KCNH1: variants seen among roughly 807,000 people sequenced by gnomAD.
KCNH1 encodes the protein voltage-gated delayed rectifier potassium channel KCNH1.
A neutral mutation model predicts 69.2 loss-of-function variants in KCNH1; 27 were observed. That is an observed-to-expected ratio of 0.39 (90% CI 0.29 to 0.54). The LOEUF is 0.54. Among genes scored for constraint, KCNH1 ranks in the 20% least tolerant of loss-of-function variants. KCNH1 has a pLI of 0.68. For synonymous variants in KCNH1, 456 were observed against 487.7 expected (o/e 0.93, Z 0.86); for missense variants, 798 against 1,261.6 (o/e 0.63, Z 5.57).
At chr1:210,787,052 CCT>C (rs1684118038) in intron 9 of KCNH1, among the ~76,000 whole-genome samples, 1 of 152,134 alleles carries the variant, frequency 6.6e-6, no homozygotes, top group South Asian at 2.1e-4. Flanking sequence ...GCTTTAAAAT[CCT>C]CACTGGCTCT....
intron 10 of KCNH1, among the ~76,000 whole-genome samples, chr1:210,687,037 G>A (rs1451208855): frequency 1.3e-5 from 2 of 152,138 alleles, no homozygotes; most frequent in Non-Finnish European, 2.9e-5. Context: ...AAATCACAGA[G>A]GTCATAGTCA....
intron 6 of KCNH1, among the ~76,000 whole-genome samples, chr1:210,960,240 T>C (rs1468963969): frequency 6.6e-6 from 1 of 152,186 alleles, no homozygotes; most frequent in Non-Finnish European, 1.5e-5. Flanking sequence ...CCCAGCCTCC[T>C]CCAAGAAGTA....
At chr1:210,997,078 A>C (rs530709103) in intron 6 of KCNH1, among the ~76,000 whole-genome samples, 90 of 152,344 alleles carry the variant, frequency 5.9e-4, no homozygotes, top group Non-Finnish European at 1.0e-3. Flanking sequence ...AGAGCAGAAA[A>C]ACTGGAAACT....
intron 10 of KCNH1, among the ~76,000 whole-genome samples, chr1:210,705,285 C>T (rs919297906): frequency 6.6e-6 from 1 of 152,196 alleles, no homozygotes; most frequent in Non-Finnish European, 1.5e-5. Context: ...TCCACTTGCT[C>T]AAGCCCCTGA....
intron 10 of KCNH1, among the ~76,000 whole-genome samples, chr1:210,709,255 G>T (rs78630019): frequency 0.038 from 5,807 of 152,246 alleles, 178 homozygotes; most frequent in Admixed American, 0.087. Context: ...TCTCAAAGGT[G>T]GGGGAGATTT....
At chr1:211,021,658 CAA>C (rs1689588444) in intron 5 of KCNH1, among the ~76,000 whole-genome samples, 1 of 151,604 alleles carries the variant, frequency 6.6e-6, no homozygotes, top group Non-Finnish European at 1.5e-5. Flanking sequence ...ACTCAACATA[CAA>C]AAGTCAGTAG....
intron 10 of KCNH1, among the ~76,000 whole-genome samples, chr1:210,737,718 G>C (rs1033376530): frequency 1.3e-5 from 2 of 152,106 alleles, no homozygotes; most frequent in African/African-American, 4.8e-5. Flanking sequence ...CAGTTCATCA[G>C]GCCAAAGGCC....
intron 7 of KCNH1, among the ~76,000 whole-genome samples, chr1:210,877,195 T>G (rs1686395007): frequency 1.3e-5 from 2 of 152,126 alleles, no homozygotes; most frequent in South Asian, 4.1e-4. Flanking sequence ...ATTTACTAAT[T>G]ATAGCTGTAG....
intron 5 of KCNH1, among the ~76,000 whole-genome samples, chr1:211,035,236 C>CT (rs765170558): frequency 0.016 from 1,199 of 75,052 alleles, 151 homozygotes; most frequent in Non-Finnish European, 0.018. Flanking sequence ...TACTGGCATT[C>CT]TTTTTTTTTT....
chr1:210,694,560 T>A (rs996248941), intron 10 of KCNH1, among the ~76,000 whole-genome samples: 9 of 152,242 alleles, frequency 5.9e-5, no homozygotes, highest in African/African-American at 2.2e-4. Flanking sequence ...GGGAAGAAAC[T>A]CTCAGCCAGT....
At position 211,004,562 on chromosome 1, in the gene KCNH1, T is replaced by A. The variant is rs180688550; in HGVS notation, c.1032+14221A>T. Reference sequence around the variant, plus strand: ...AAGGTGAATAATACAAAATAATCAATCCCAAAAGAAGATAAAAGAGGAGAG... The same window carrying A: ...AAGGTGAATAATACAAAATAATCAAACCCAAAAGAAGATAAAAGAGGAGAG... On this transcript the variant is annotated intron_variant, in intron 6 of 10. Coordinates refer to ENST00000271751, the MANE Select transcript of KCNH1 (RefSeq NM_172362.3). Among the ~76,000 whole-genome samples, 16 of 148,124 alleles carry A rather than the reference T, an allele frequency of 1.1e-4. No individual in the cohort carries two copies. In the East Asian group the frequency reaches 2.8e-3, roughly 26 times the overall value.
chr1:210,782,589 G>A (rs993610295), intron 9 of KCNH1, among the ~76,000 whole-genome samples: 1 of 152,074 alleles, frequency 6.6e-6, no homozygotes, highest in African/African-American at 2.4e-5. Flanking sequence ...AGCGGGGTGT[G>A]GTGGCGAGCA....
chr1:211,094,531 C>T (rs1691111890), intron 3 of KCNH1, among the ~76,000 whole-genome samples: 1 of 152,186 alleles, frequency 6.6e-6, no homozygotes, highest in Non-Finnish European at 1.5e-5. Flanking sequence ...GATCATAATA[C>T]ACTCCAAGGG....
intron 6 of KCNH1, among the ~76,000 whole-genome samples, chr1:210,969,236 C>T (rs1688468374): frequency 1.3e-5 from 2 of 152,006 alleles, no homozygotes; most frequent in South Asian, 4.1e-4. Flanking sequence ...TACTTTTCTA[C>T]ACCATGCTTA....
At chr1:211,015,150 T>C (rs1423151778) in intron 6 of KCNH1, among the ~76,000 whole-genome samples, 2 of 152,002 alleles carry the variant, frequency 1.3e-5, no homozygotes, top group Non-Finnish European at 2.9e-5. Flanking sequence ...TTGGGGAAAA[T>C]GTAGCTGCCC....
intron 10 of KCNH1, among the ~76,000 whole-genome samples, chr1:210,769,159 T>C (rs1011033386): frequency 2.0e-4 from 31 of 152,320 alleles, no homozygotes; most frequent in Middle Eastern, 3.4e-3. Flanking sequence ...CTATGATGAC[T>C]CAGGGGGGAA....
rs927674852 is a variant in KCNH1, at chr1:210,987,639, T to C, written c.1032+31144A>G. Among the ~76,000 whole-genome samples, 20 of 152,132 alleles carry C rather than the reference T, an allele frequency of 1.3e-4. 1 individual carries two copies. The highest frequency in any genetic ancestry group is 7.2e-4 in the Admixed American group (11 of 15,274). The stretch of plus-strand genomic sequence containing the variant: ...AAATGCTGCTGCCTGATCGTTCCTC[T>C]GGAAGTTTTGTCTCAGAGGAGTACC... On this transcript the variant is annotated intron_variant, in intron 6 of 10. Coordinates refer to ENST00000271751, the MANE Select transcript of KCNH1 (RefSeq NM_172362.3).
At chr1:210,737,449 T>C (rs970024372) in intron 10 of KCNH1, among the ~76,000 whole-genome samples, 1 of 152,210 alleles carries the variant, frequency 6.6e-6, no homozygotes, top group Non-Finnish European at 1.5e-5. Context: ...TTAATATTTA[T>C]ACTCTTTCTA....
intron 5 of KCNH1, among the ~76,000 whole-genome samples, chr1:211,057,709 G>C (rs1690339203): frequency 6.6e-6 from 1 of 151,738 alleles, no homozygotes; most frequent in African/African-American, 2.4e-5. Flanking sequence ...GAAAGAGAGA[G>C]AGAGAGAGAC....
Sources: gnomAD v4.1 joint callset for allele counts (sites outside exome capture counted in the v4.1 genomes callset) on GRCh38, gnomAD v4.1.1 for gene constraint, MANE v1.5 for transcripts, NCBI Gene and HGNC (gene_info 2026-07-23, HGNC 2026-07-21) for gene names.